The following TMEM178B variants were observed in gnomAD, a reference collection of about 807,000 sequenced individuals.
TMEM178B encodes transmembrane protein 178B.
TMEM178B carries 5 observed loss-of-function variants against 31.0 expected under a neutral mutation model. The ratio of observed to expected loss-of-function variants is 0.16; its 90% CI spans 0.08 to 0.34. The LOEUF is 0.34. Ranked by LOEUF, TMEM178B falls within the 10% of genes least tolerant of loss-of-function variation. The pLI is 1.00. For missense variants in TMEM178B, 275 were observed against 400.3 expected, an observed-to-expected ratio of 0.69 and a Z score of 2.67; for synonymous variants, 164 against 164.0, an observed-to-expected ratio of 1.00 and a Z score of 0.00.
At chr7:141,286,955 A>G (rs562617897) in intron 2 of TMEM178B, among the ~76,000 whole-genome samples, 1 of 152,352 alleles carries the variant, frequency 6.6e-6, no homozygotes, top group East Asian at 1.9e-4. Flanking sequence ...TAACTGTAAG[A>G]AAGTCCTTGA....
At chr7:141,310,754 G>T (rs1798895116) in intron 2 of TMEM178B, among the ~76,000 whole-genome samples, 1 of 152,112 alleles carries the variant, frequency 6.6e-6, no homozygotes, top group African/African-American at 2.4e-5. Flanking sequence ...ATTACTCAAA[G>T]ACCTAGAACC....
intron 2 of TMEM178B, among the ~76,000 whole-genome samples, chr7:141,317,674 A>G (rs967565015): frequency 1.3e-5 from 2 of 152,216 alleles, no homozygotes; most frequent in African/African-American, 4.8e-5. Context: ...AGCTTTCAGC[A>G]TAAAACTGAT....
chr7:141,155,291 G>A lies in TMEM178B; in HGVS notation c.383-57300G>A, dbSNP rs1796049978. Among the ~76,000 whole-genome samples, 3 of 152,178 alleles carry A rather than the reference G, an allele frequency of 2.0e-5. No individual in the cohort carries two copies. In the South Asian group the frequency reaches 6.2e-4, roughly 32 times the overall value. ...CTCATCATACAGGGATGCAGCCCAT[G>A]GGGCTCTTGCTGCCAAGGATCTGGG... On this transcript the variant is annotated intron_variant, in intron 1 of 3. Coordinates refer to ENST00000565468, the MANE Select transcript of TMEM178B (RefSeq NM_001195278.2).
chr7:141,479,729 C>T lies in TMEM178B; in HGVS notation c.*8943C>T, dbSNP rs1802440402. ...CAGGGACCATAACTGACAAAACTCT[C>T]AAACGCCTGGAGTGTTTATGGCCCA... On this transcript the variant is annotated 3_prime_UTR_variant, in exon 4 of 4. Coordinates refer to ENST00000565468, the MANE Select transcript of TMEM178B (RefSeq NM_001195278.2). 6.6e-6 allele frequency: 1 copy of T among 152,178 alleles called. No individual in the cohort carries two copies. The allele number at this position is 152,178 out of a possible 1,614,324, so 9.4% of individuals were successfully genotyped here. A position where few individuals can be genotyped will look rare whatever the true frequency, so the allele number is the denominator to read the frequency against.
chr7:141,174,989 G>A (rs1053136017), intron 1 of TMEM178B, among the ~76,000 whole-genome samples: 1 of 152,086 alleles, frequency 6.6e-6, no homozygotes, highest in Admixed American at 6.5e-5. Flanking sequence ...GTCAATTTTG[G>A]CTTTTGTTGC....
chr7:141,087,304 T>G (rs1000315022), intron 1 of TMEM178B, among the ~76,000 whole-genome samples: 3 of 152,120 alleles, frequency 2.0e-5, no homozygotes, highest in Admixed American at 2.0e-4. Context: ...CAGAATAACA[T>G]TTTGCTTTAT....
intron 1 of TMEM178B, among the ~76,000 whole-genome samples, chr7:141,204,187 G>T (rs751114697): frequency 6.6e-6 from 1 of 152,254 alleles, no homozygotes; most frequent in Non-Finnish European, 1.5e-5. Flanking sequence ...AGCTGGAAGC[G>T]TGAGACTGGA....
chr7:141,410,581 A>G (rs958460984), intron 2 of TMEM178B, among the ~76,000 whole-genome samples: 1 of 146,058 alleles, frequency 6.8e-6, no homozygotes, highest in Non-Finnish European at 1.5e-5. Flanking sequence ...GGTCAGGGTA[A>G]TGGGTTGTAA....
At chr7:141,075,443 C>T (rs1407168426) in intron 1 of TMEM178B, among the ~76,000 whole-genome samples, 1 of 152,076 alleles carries the variant, frequency 6.6e-6, no homozygotes, top group Non-Finnish European at 1.5e-5. Context: ...AAGTGTATGT[C>T]AAAACACAAA....
chr7:141,220,379 C>T (rs1797238626), intron 2 of TMEM178B, among the ~76,000 whole-genome samples: 1 of 151,414 alleles, frequency 6.6e-6, no homozygotes, highest in Non-Finnish European at 1.5e-5. Flanking sequence ...AATGCATGTG[C>T]ATGTACAGCT....
chr7:141,288,206 T>TCC (rs376746193), intron 2 of TMEM178B, among the ~76,000 whole-genome samples: 10 of 150,246 alleles, frequency 6.7e-5, no homozygotes, highest in South Asian at 2.1e-4. Flanking sequence ...TTTTTTTTTT[T>TCC]CCCCCTCTGG....
At chr7:141,347,796 C>T (rs1384450876) in intron 2 of TMEM178B, among the ~76,000 whole-genome samples, 1 of 152,124 alleles carries the variant, frequency 6.6e-6, no homozygotes, top group Admixed American at 6.5e-5. Flanking sequence ...CTGTACCCCA[C>T]CTCTCCACTC....
chr7:141,379,317 A>AAAG (rs113874979), intron 2 of TMEM178B, among the ~76,000 whole-genome samples: 25,515 of 151,284 alleles, frequency 0.17, 2,281 homozygotes, highest in Middle Eastern at 0.2. Flanking sequence ...AAAAAAAAAA[A>AAAG]AAATTAAAAT....
intron 2 of TMEM178B, among the ~76,000 whole-genome samples, chr7:141,226,391 C>T (rs547742520): frequency 1.9e-4 from 29 of 152,248 alleles, no homozygotes; most frequent in African/African-American, 6.0e-4. Context: ...CCACACACCA[C>T]CCTCTCTCAT....
chr7:141,141,710 A>G (rs961636656), intron 1 of TMEM178B, among the ~76,000 whole-genome samples: 2 of 152,200 alleles, frequency 1.3e-5, no homozygotes, highest in South Asian at 2.1e-4. Context: ...AGAGCTTGCA[A>G]TGTTCATTCA....
intron 1 of TMEM178B, among the ~76,000 whole-genome samples, chr7:141,099,036 T>C (rs754334853): frequency 6.6e-6 from 1 of 152,238 alleles, no homozygotes; most frequent in Non-Finnish European, 1.5e-5. Context: ...CTTCTAACTT[T>C]GCTAAAGCCA....
chr7:141,349,343 A>G (rs1381287831), intron 2 of TMEM178B, among the ~76,000 whole-genome samples: 1 of 152,224 alleles, frequency 6.6e-6, no homozygotes, highest in African/African-American at 2.4e-5. Flanking sequence ...TCTGGGTGGA[A>G]AAAATGACCG....
intron 2 of TMEM178B, among the ~76,000 whole-genome samples, chr7:141,302,112 T>G (rs1373872304): frequency 6.6e-6 from 1 of 152,182 alleles, no homozygotes; most frequent in Non-Finnish European, 1.5e-5. Context: ...AACTGTACAC[T>G]GAAAATGGTG....
chr7:141,362,899 C>G (rs1214635305), intron 2 of TMEM178B, among the ~76,000 whole-genome samples: 1 of 152,172 alleles, frequency 6.6e-6, no homozygotes, highest in Non-Finnish European at 1.5e-5. Flanking sequence ...ATACAGCACA[C>G]CTCTGGCTGG....
Sources: gnomAD v4.1 joint callset for allele counts (sites outside exome capture counted in the v4.1 genomes callset) on GRCh38, gnomAD v4.1.1 for gene constraint, MANE v1.5 for transcripts, NCBI Gene and HGNC (gene_info 2026-07-23, HGNC 2026-07-21) for gene names.